Variants in ASIP observed in about 807,000 individuals in gnomAD.
The protein encoded by ASIP is agouti signaling protein.
Under a neutral mutation model 10.3 loss-of-function variants are expected in ASIP, and 11 were observed. The ratio of observed to expected loss-of-function variants is 1.07; its 90% CI spans 0.68 to 1.78. The LOEUF (loss-of-function observed/expected upper bound fraction) is 1.78, where lower values mean the gene tolerates loss of function less well. ASIP is among the 40% of genes most tolerant of loss of function. The pLI is 0.00. For missense variants in ASIP, 180 were observed against 169.2 expected, an observed-to-expected ratio of 1.06 and a Z score of -0.35; for synonymous variants, 70 against 70.8, an observed-to-expected ratio of 0.99 and a Z score of 0.06.
chr20:34,196,051 C>T (rs191188571), intron 1 of ASIP, among the ~76,000 whole-genome samples: 125 of 151,920 alleles, frequency 8.2e-4, no homozygotes, highest in African/African-American at 2.9e-3. Flanking sequence ...GCACTTCTGC[C>T]TATGGGTAAG....
intron 3 of ASIP, among the ~76,000 whole-genome samples, chr20:34,267,459 CAA>C (rs953440256): frequency 6.5e-5 from 3 of 46,276 alleles, no homozygotes; most frequent in African/African-American, 7.3e-5. Context: ...AACTGGCTCT[CAA>C]AAAAAAAAAA....
chr20:34,191,483 C>A (rs1448405574), upstream of ASIP, among the ~76,000 whole-genome samples: 1 of 152,154 alleles, frequency 6.6e-6, no homozygotes, highest in African/African-American at 2.4e-5. Flanking sequence ...AGGCCTGGAG[C>A]AGGACCTGGC....
At chr20:34,244,395 A>C (rs894863741) in intron 1 of ASIP, among the ~76,000 whole-genome samples, 2 of 152,206 alleles carry the variant, frequency 1.3e-5, no homozygotes, top group Non-Finnish European at 2.9e-5. Flanking sequence ...TATAGCCAGA[A>C]TAAGAACCTC....
chr20:34,259,048 A>T (rs747091993), intron 1 of ASIP, among the ~76,000 whole-genome samples: 38 of 149,076 alleles, frequency 2.5e-4, no homozygotes, highest in African/African-American at 2.5e-4. Flanking sequence ...ACAAAAAAAA[A>T]TTTTTTTTTA....
chr20:34,238,180 C>G (rs1402080515), upstream of ASIP, among the ~76,000 whole-genome samples: 1 of 152,102 alleles, frequency 6.6e-6, no homozygotes, highest in Non-Finnish European at 1.5e-5. Context: ...TGTTTATATT[C>G]ATATCTTTAA....
At chr20:34,220,953 C>CT (rs10661983) in intron 1 of ASIP, among the ~76,000 whole-genome samples, 1,486 of 109,786 alleles carry the variant, frequency 0.014, 66 homozygotes, top group African/African-American at 0.036. Flanking sequence ...TTCTTTCCTT[C>CT]TTTTTTTTTT....
chr20:34,266,999 CTG>C (rs1213045569), intron 3 of ASIP, among the ~76,000 whole-genome samples: 1 of 152,172 alleles, frequency 6.6e-6, no homozygotes, highest in African/African-American at 2.4e-5. Context: ...GGATCTGGCA[CTG>C]TGTGATCTTG....
At chr20:34,250,576 T>C (rs945353373) in intron 1 of ASIP, among the ~76,000 whole-genome samples, 9 of 152,140 alleles carry the variant, frequency 5.9e-5, no homozygotes, top group Admixed American at 4.6e-4. Flanking sequence ...GGCGGGCGGA[T>C]CACCTGAGAT....
At chr20:34,226,253 T>C (rs894945217) in intron 1 of ASIP, among the ~76,000 whole-genome samples, 28 of 152,240 alleles carry the variant, frequency 1.8e-4, no homozygotes, top group African/African-American at 6.5e-4. Flanking sequence ...TTATTGTCCA[T>C]GTAATTTGCC....
chr20:34,237,591 T>G (rs1214086519), upstream of ASIP, among the ~76,000 whole-genome samples: 1 of 152,248 alleles, frequency 6.6e-6, no homozygotes, highest in Non-Finnish European at 1.5e-5. Context: ...TCATATTATC[T>G]GTGAACAGAG....
chr20:34,213,402 A>C, intron 1 of ASIP: 2 of 711,172 alleles, frequency 2.8e-6, no homozygotes, highest in Admixed American at 5.1e-5. Context: ...GAGTGTTGCT[A>C]TAACCAACAC....
At chr20:34,197,394 G>T (rs1051860807) in intron 1 of ASIP, among the ~76,000 whole-genome samples, 1 of 152,110 alleles carries the variant, frequency 6.6e-6, no homozygotes, top group Non-Finnish European at 1.5e-5. Flanking sequence ...TGTACTAGAC[G>T]GGATCCCAGG....
At position 34,269,192 on chromosome 20, in the gene ASIP, A is replaced by C; in HGVS notation, c.*25A>C. 6.8e-7 allele frequency: 1 copy of C among 1,476,414 alleles called. No homozygotes were observed. The highest frequency in any genetic ancestry group is 9.0e-7 in the Non-Finnish European group (1 of 1,113,786). The allele number at this position is 1,476,414 out of a possible 1,614,324, so 91.5% of individuals were successfully genotyped here. A position where few individuals can be genotyped will look rare whatever the true frequency, so the allele number is the denominator to read the frequency against. On this transcript the variant is annotated 3_prime_UTR_variant, in exon 4 of 4. Transcript: ENST00000374954. ...AGCGCCCCCACTCCCGGCCGCGAGC[A>C]GGCAGGGCTTCGGGGACGCGGGGCG...
At chr20:34,201,014 TTCCTTC>T (rs2034892167) in intron 1 of ASIP, among the ~76,000 whole-genome samples, 1 of 86,976 alleles carries the variant, frequency 1.1e-5, no homozygotes, top group Non-Finnish European at 2.0e-5. Context: ...CCTTCCTTCC[TTCCTTC>T]TTTCTTTCTT....
In ASIP at chr20:34,262,904, G is replaced by A. The variant is rs752264573; in HGVS notation, c.222+11G>A. The A allele has an allele frequency of 2.5e-6, 4 of 1,613,770 alleles. No individual in the cohort carries two copies. In the South Asian group the frequency reaches 3.3e-5, roughly 13 times the overall value. On this transcript the variant is annotated intron_variant, in intron 3 of 3. Transcript: ENST00000374954. ...AAAAGATCTTCTAAGGTAAGGGCAG[G>A]GAAGTTCTGGGAGTTCTCATTGTTG... is the stretch of plus-strand genomic sequence containing the variant.
intron 1 of ASIP, among the ~76,000 whole-genome samples, chr20:34,219,990 T>G (rs188990787): frequency 6.6e-6 from 1 of 151,934 alleles, no homozygotes; most frequent in African/African-American, 2.4e-5. Context: ...CTAGGGAGGC[T>G]GAGGCAGGAG....
chr20:34,197,242 G>A (rs963622408), intron 1 of ASIP, among the ~76,000 whole-genome samples: 5 of 152,130 alleles, frequency 3.3e-5, no homozygotes, highest in East Asian at 1.9e-4. Flanking sequence ...GTGTGATGGC[G>A]GGTGCCTACT....
intron 1 of ASIP, among the ~76,000 whole-genome samples, chr20:34,258,873 C>CTATATATATAGTATTATATATATAGTG (rs1555827017): frequency 1.1e-4 from 11 of 99,700 alleles, no homozygotes; most frequent in Non-Finnish European, 1.7e-4. Context: ...ATATATAATA[C>CTATATATATAGTATTATATATATAGTG]TATATATATA....
In ASIP at chr20:34,214,345, C is replaced by T. The variant is rs753266558; in HGVS notation, c.-11+19585C>T. 2.0e-4 allele frequency: 261 copies of T among 1,312,886 alleles called. 1 individual carries two copies. The highest frequency in any genetic ancestry group is 2.7e-4 in the Non-Finnish European group (243 of 906,420). 81.3% of individuals were successfully genotyped at this position (1,312,886 alleles called of 1,614,324 possible). On this transcript the variant is annotated intron_variant, in intron 1 of 3. Coordinates refer to the ASIP transcript ENST00000568305. ...ACTGTGAAAAACTTTTCATATCTAACAACAGTTTCGAAGAACTCCAACGTC... is the reference window on the plus strand; with the variant it reads ...ACTGTGAAAAACTTTTCATATCTAATAACAGTTTCGAAGAACTCCAACGTC...
Sources: allele counts gnomAD v4.1 joint callset (sites outside exome capture counted in the v4.1 genomes callset), GRCh38; gene constraint gnomAD v4.1.1; transcripts MANE v1.5; gene names NCBI Gene and HGNC (gene_info 2026-07-23, HGNC 2026-07-21).